The following ZNF608 variants were observed in gnomAD, a reference collection of about 807,000 sequenced individuals.
ZNF608 encodes the protein zinc finger protein 608.
In ZNF608, 12 loss-of-function variants were observed where a neutral mutation model predicts 109.0. The ratio of observed to expected loss-of-function variants is 0.11; its 90% confidence interval spans 0.07 to 0.18. The LOEUF (loss-of-function observed/expected upper bound fraction) is 0.18. Among genes scored for constraint, ZNF608 ranks in the 10% least tolerant of loss-of-function variants. ZNF608 has a pLI of 1.00. For missense variants in ZNF608, 1,707 were observed against 1,879.3 expected (o/e 0.91, Z 1.70); for synonymous variants, 732 against 717.4 (o/e 1.02, Z -0.33).
chr5:124,670,129 C>T (rs1255217806), intron 3 of ZNF608, among the ~76,000 whole-genome samples: 3 of 152,142 alleles, frequency 2.0e-5, no homozygotes, highest in African/African-American at 7.2e-5. Context: ...TATTTTACCA[C>T]CCACACTAAT....
chr5:124,659,154 A>ATTT (rs10709034), intron 3 of ZNF608, among the ~76,000 whole-genome samples: 4 of 149,100 alleles, frequency 2.7e-5, no homozygotes, highest in Admixed American at 2.7e-4. Flanking sequence ...TAATTACAGG[A>ATTT]TTTTTTTTTT....
At chr5:124,638,191 C>G (rs900831847) in intron 9 of ZNF608, among the ~76,000 whole-genome samples, 1 of 151,312 alleles carries the variant, frequency 6.6e-6, no homozygotes, top group Non-Finnish European at 1.5e-5. Flanking sequence ...CTCAGGTGAT[C>G]TGCCCACCTC....
At chr5:124,736,837 C>G (rs1291987433) in intron 2 of ZNF608, among the ~76,000 whole-genome samples, 1 of 152,136 alleles carries the variant, frequency 6.6e-6, no homozygotes, top group East Asian at 1.9e-4. Context: ...CTAATTGAGG[C>G]ATATAAAAGA....
intron 5 of ZNF608, among the ~76,000 whole-genome samples, chr5:124,645,849 A>T (rs1477076141): frequency 6.6e-6 from 1 of 152,170 alleles, no homozygotes; most frequent in Non-Finnish European, 1.5e-5. Context: ...AAATCTAGGC[A>T]TCTCTGACCC....
upstream of ZNF608, chr5:124,748,449 T>C: frequency 1.3e-6 from 1 of 777,046 alleles, no homozygotes; most frequent in Non-Finnish European, 1.6e-6. Context: ...TAGTTCCTCA[T>C]TTCTATGCAT....
chr5:124,721,315 C>G (rs939031680), intron 2 of ZNF608, among the ~76,000 whole-genome samples: 1 of 152,070 alleles, frequency 6.6e-6, no homozygotes, highest in South Asian at 2.1e-4. Context: ...CTCTTTTTTC[C>G]TCTGTAACCC....
chr5:124,650,239 A>T (rs1264697086), intron 3 of ZNF608, among the ~76,000 whole-genome samples: 1 of 152,242 alleles, frequency 6.6e-6, no homozygotes, highest in Non-Finnish European at 1.5e-5. Flanking sequence ...GAGTCCAGAT[A>T]GCAGACAATC....
chr5:124,700,920 T>C (rs918143125), intron 3 of ZNF608, 94 bp downstream of exon 3: 1 of 1,521,362 alleles, frequency 6.6e-7, no homozygotes, highest in Non-Finnish European at 8.9e-7. Flanking sequence ...CATTCCTCTC[T>C]GAATACCGCA....
rs184946445 is a variant in ZNF608, at chr5:124,677,957, T to A, written c.1162+23057A>T. Among the ~76,000 whole-genome samples, 488 of 152,296 alleles carry A rather than the reference T, an allele frequency of 3.2e-3. 3 individuals are homozygous for A. The highest frequency in any genetic ancestry group is 0.011 in the African/African-American group (452 of 41,572). Reference sequence around the variant, plus strand: ...GCAGATGAACCCAAAGGCGTTCTCATCCTGCTAGATTTTATTAGCCCCAAT... The same window carrying A: ...GCAGATGAACCCAAAGGCGTTCTCAACCTGCTAGATTTTATTAGCCCCAAT... On this transcript the variant is annotated intron_variant, in intron 3 of 9. Coordinates refer to ENST00000513986, the MANE Select transcript of ZNF608 (RefSeq NM_020747.3).
At chr5:124,711,274 CT>C in intron 2 of ZNF608, among the ~76,000 whole-genome samples, 1 of 152,326 alleles carries the variant, frequency 6.6e-6, no homozygotes, top group Admixed American at 6.5e-5. Flanking sequence ...CTTGTGTGTT[CT>C]TTCAGAAATT....
chr5:124,704,393 C>T (rs188090329), intron 2 of ZNF608, among the ~76,000 whole-genome samples: 45 of 152,162 alleles, frequency 3.0e-4, no homozygotes, highest in African/African-American at 1.1e-3. Context: ...AGAGGAGAAT[C>T]GCAGTTTCTC....
chr5:124,639,054 TA>T, intron 9 of ZNF608, 78 bp downstream of exon 9: 5 of 1,426,706 alleles, frequency 3.5e-6, no homozygotes, highest in African/African-American at 1.4e-5. Context: ...GTTTTTGGTC[TA>T]AAAATCCTGT....
At chr5:124,722,741 C>A (rs1753983855) in intron 2 of ZNF608, among the ~76,000 whole-genome samples, 1 of 151,962 alleles carries the variant, frequency 6.6e-6, no homozygotes, top group African/African-American at 2.4e-5. Context: ...TAAATGCATA[C>A]AAAGGAGCCA....
At chr5:124,733,688 T>A (rs1223857333) in intron 2 of ZNF608, among the ~76,000 whole-genome samples, 1 of 152,024 alleles carries the variant, frequency 6.6e-6, no homozygotes, top group Non-Finnish European at 1.5e-5. Context: ...ACCCAGGAGG[T>A]CTCTGCAATC....
chr5:124,643,149 A>C lies in ZNF608; in HGVS notation c.4296+362T>G, dbSNP rs1750325548. 2.0e-5 allele frequency among the ~76,000 whole-genome samples: 3 copies of C among 152,154 alleles called. No individual in the cohort carries two copies. In the South Asian group the frequency reaches 6.2e-4, roughly 32 times the overall value. ...AGCCTCTGAACTACTTACTTACCAA[A>C]ATTATATAAAATATACTCCTCTGTT... On this transcript the variant is annotated intron_variant, in intron 7 of 9. Transcript: ENST00000513986.
intron 3 of ZNF608, among the ~76,000 whole-genome samples, chr5:124,650,050 T>C (rs1750712119): frequency 1.3e-5 from 2 of 152,280 alleles, no homozygotes; most frequent in African/African-American, 4.8e-5. Flanking sequence ...ATAATTGCTT[T>C]CGTTTGGCAA....
At chr5:124,665,032 G>A (rs993601967) in intron 3 of ZNF608, among the ~76,000 whole-genome samples, 3 of 152,082 alleles carry the variant, frequency 2.0e-5, no homozygotes, top group African/African-American at 4.8e-5. Flanking sequence ...AAAGTTAGCT[G>A]GGCTTGGTGG....
chr5:124,649,834 C>A (rs2149791850), intron 3 of ZNF608, 137 bp from the exon 4 acceptor site: 2 of 548,434 alleles, frequency 3.6e-6, no homozygotes, highest in Admixed American at 3.6e-5. Context: ...GGTTTGCATT[C>A]TTCCTCTTTC....
chr5:124,713,799 T>C (rs181794487), intron 2 of ZNF608, among the ~76,000 whole-genome samples: 1 of 152,088 alleles, frequency 6.6e-6, no homozygotes, highest in East Asian at 1.9e-4. Context: ...GTTAACAGTA[T>C]GTTGGAACAG....
Sources: allele counts gnomAD v4.1 joint callset (sites outside exome capture counted in the v4.1 genomes callset), GRCh38; gene constraint gnomAD v4.1.1; transcripts MANE v1.5; gene names NCBI Gene and HGNC (gene_info 2026-07-23, HGNC 2026-07-21).